Variants in RAB11FIP1 observed in about 807,000 individuals in gnomAD.
RAB11FIP1 encodes rab11 family-interacting protein 1.
Under a neutral mutation model 83.1 loss-of-function variants are expected in RAB11FIP1, and 49 were observed. That is an observed-to-expected ratio of 0.59 (90% confidence interval 0.47 to 0.75). The LOEUF is 0.75. RAB11FIP1 is among the 30% of genes least tolerant of loss of function. The probability of loss-of-function intolerance (pLI) is 0.00; values close to 1 mark genes in which losing one functional copy is unlikely to be tolerated. For synonymous variants in RAB11FIP1, 670 were observed against 656.0 expected (o/e 1.02, Z -0.33); for missense variants, 1,536 against 1,598.7 (o/e 0.96, Z 0.67).
chr8:37,883,294 G>A (rs894845130), intron 1 of RAB11FIP1, among the ~76,000 whole-genome samples: 4 of 152,030 alleles, frequency 2.6e-5, no homozygotes, highest in African/African-American at 4.8e-5. Context: ...CTCCTCCTGG[G>A]TTCAACCGAT....
intron 1 of RAB11FIP1, among the ~76,000 whole-genome samples, chr8:37,883,607 CAGA>C (rs1371926939): frequency 2.6e-5 from 4 of 152,190 alleles, no homozygotes; most frequent in African/African-American, 9.7e-5. Context: ...AATCCCAAAC[CAGA>C]AGAACACATC....
At chr8:37,893,954 T>C (rs988376974) in intron 1 of RAB11FIP1, among the ~76,000 whole-genome samples, 1 of 152,160 alleles carries the variant, frequency 6.6e-6, no homozygotes, top group African/African-American at 2.4e-5. Flanking sequence ...AGGACTCTCA[T>C]CCTTTTTAGT....
rs373641406 is a variant in RAB11FIP1, at chr8:37,860,251, C to A, written c.*2644G>T. 10 of 152,820 alleles carry A rather than the reference C, an allele frequency of 6.5e-5. No homozygotes were observed. Among genetic ancestry groups the A allele is most frequent in the African/African-American group, 2.2e-4 (9 of 41,580 alleles). 9.5% of individuals were successfully genotyped at this position (152,820 alleles called of 1,614,324 possible). A position where few individuals can be genotyped will look rare whatever the true frequency, so the allele number is the denominator to read the frequency against. ...TGGAAGAAGAACCACATAGAGCACA[C>A]CTGCCCCCCAGGGCACTTGGACTAT... On this transcript the variant is annotated 3_prime_UTR_variant, in exon 6 of 6. Transcript: ENST00000330843.
chr8:37,896,889 C>A (rs1248237078), intron 1 of RAB11FIP1, among the ~76,000 whole-genome samples: 1 of 152,180 alleles, frequency 6.6e-6, no homozygotes, highest in Non-Finnish European at 1.5e-5. Context: ...ATCTCCATCT[C>A]TGGCAGGGAG....
intron 1 of RAB11FIP1, among the ~76,000 whole-genome samples, chr8:37,891,082 C>A (rs537244894): frequency 1.3e-5 from 2 of 152,306 alleles, no homozygotes; most frequent in South Asian, 4.1e-4. Context: ...CAAAGTCAGG[C>A]TTGGTCTCCT....
In RAB11FIP1 at chr8:37,873,151, T is replaced by C. The variant is rs372656927; in HGVS notation, c.1651A>G (p.Thr551Ala). The C allele has an allele frequency of 5.0e-6, 8 of 1,606,080 alleles. No individual in the cohort carries two copies. In the African/African-American group the frequency reaches 6.7e-5, roughly 13 times the overall value. ...TCAGTAGGGGAAGGAAGCCTGGCTG[T>C]GGGTTGCGCCTCTGGAGACACTTCC... The part of the protein sequence containing the change: ...RLEVSPEAQP[T>A]ARLPSPTDSP... The change falls in exon 4 of 6, where the codon ACA becomes GCA. Residue 551 changes from threonine to alanine, a missense_variant. Transcript: ENST00000330843.
rs1806519941 is a variant in RAB11FIP1 at position 37,873,166 on chromosome 8, G to C, written c.1636C>G (p.Pro546Ala). 1 of 1,598,560 alleles carries C rather than the reference G, an allele frequency of 6.3e-7. No homozygotes were observed. Among genetic ancestry groups the C allele is most frequent in the African/African-American group, 1.3e-5 (1 of 74,568 alleles). ...RAVKPRLEVS[P>A]EAQPTARLPS... ...AGCCTGGCTGTGGGTTGCGCCTCTGGAGACACTTCCAGTCTGCAAAAAGGA... is the reference window on the plus strand; with the variant it reads ...AGCCTGGCTGTGGGTTGCGCCTCTGCAGACACTTCCAGTCTGCAAAAAGGA... The change falls in exon 4 of 6, where the codon CCA (proline) becomes GCA (alanine). Residue 546 changes from proline to alanine, a missense_variant. Transcript: ENST00000330843.
intron 1 of RAB11FIP1, among the ~76,000 whole-genome samples, chr8:37,884,983 C>G (rs917076955): frequency 6.6e-6 from 1 of 150,956 alleles, no homozygotes; most frequent in Non-Finnish European, 1.5e-5. Context: ...TGCACTCGGC[C>G]TATATTTTTT....
intron 2 of RAB11FIP1, among the ~76,000 whole-genome samples, chr8:37,876,899 C>T (rs1329712553): frequency 6.6e-6 from 1 of 152,084 alleles, no homozygotes; most frequent in Admixed American, 6.5e-5. Context: ...CCTCAGCCTC[C>T]CAAAGTGCTG....
intron 1 of RAB11FIP1, among the ~76,000 whole-genome samples, chr8:37,880,880 T>C (rs1441186460): frequency 6.6e-6 from 1 of 152,180 alleles, no homozygotes; most frequent in Non-Finnish European, 1.5e-5. Flanking sequence ...CCTCACAAAC[T>C]GAGAACTCAC....
intron 1 of RAB11FIP1, among the ~76,000 whole-genome samples, chr8:37,885,237 C>G (rs912914540): frequency 4.6e-5 from 7 of 151,672 alleles, no homozygotes; most frequent in African/African-American, 1.7e-4. Context: ...TCAGATGATC[C>G]GTCCACCTTG....
rs1487800564 is a variant in RAB11FIP1 at position 37,873,202 on chromosome 8, T to C, written c.1623-23A>G. 1.9e-6 allele frequency: 3 copies of C among 1,552,524 alleles called. No homozygotes were observed. The South Asian group carries it at 3.6e-5, about 19-fold the overall frequency. ...AGTCTGCAAAAAGGACAAAATAAAA[T>C]CTGCAGGTCAGTGCAGATGCATCAC... On this transcript the variant is annotated intron_variant, in intron 3 of 5. Transcript: ENST00000330843.
intron 1 of RAB11FIP1, among the ~76,000 whole-genome samples, chr8:37,880,628 G>A (rs1038819953): frequency 6.6e-6 from 1 of 151,976 alleles, no homozygotes; most frequent in African/African-American, 2.4e-5. Context: ...GGGTGCAGTG[G>A]TGCGTACTTA....
At chr8:37,875,378 T>C (rs963899166) in intron 2 of RAB11FIP1, 56 bp from the exon 3 acceptor site, 1 of 1,307,334 alleles carries the variant, frequency 7.6e-7, no homozygotes, top group African/African-American at 1.5e-5. Flanking sequence ...TGGTTTGCAG[T>C]GTAGGGGCAT....
chr8:37,862,886 T>C lies in RAB11FIP1; in HGVS notation c.*9A>G, dbSNP rs751151910. The stretch of plus-strand genomic sequence containing the variant: ...CACAGAAACGTCTCGGTGTTTTTTT[T>C]CTGCTGATTTACATCTTTCCTGCTT... On this transcript the variant is annotated 3_prime_UTR_variant, in exon 6 of 6. Transcript: ENST00000330843. 4.5e-5 allele frequency: 72 copies of C among 1,601,916 alleles called. No homozygotes were observed. The highest frequency in any genetic ancestry group is 1.7e-4 in the Middle Eastern group (1 of 5,744).
Position 37,872,228 on chromosome 8 carries a change from G to T in RAB11FIP1, c.2574C>A (p.His858Gln), listed in dbSNP as rs17362412. ...CCGATTCCCTTTCTGAGTCCTCTGC[G>T]TGGGGAGACTCAGGAGGCTCTCCGT... Reference protein sequence around the residue: ...ASDGEPPESPHAEDSERESVT... With the variant: ...ASDGEPPESPQAEDSERESVT... The change falls in exon 4 of 6, where the codon CAC becomes CAA. Residue 858 changes from histidine (H) to glutamine (Q), a missense_variant. Coordinates refer to ENST00000330843, the MANE Select transcript of RAB11FIP1 (RefSeq NM_001002814.3). The T allele has an allele frequency of 6.2e-7, 1 of 1,614,034 alleles. No individual in the cohort carries two copies. Among genetic ancestry groups the T allele is most frequent in the African/African-American group, 1.3e-5 (1 of 75,012 alleles).
In RAB11FIP1 at chr8:37,860,501, C is replaced by T. The variant is rs529819033; in HGVS notation, c.*2394G>A. On this transcript the variant is annotated 3_prime_UTR_variant, in exon 6 of 6. Coordinates refer to ENST00000330843, the MANE Select transcript of RAB11FIP1 (RefSeq NM_001002814.3). ...AGATTACAGCTGTCTGCCACCACAC[C>T]CAGCTAATTTCTGTATTTTTTAGTA... 1 of 152,248 alleles carries T rather than the reference C, an allele frequency of 6.6e-6. No homozygotes were observed. The highest frequency in any genetic ancestry group is 6.5e-5 in the Admixed American group (1 of 15,284). 9.4% of individuals were successfully genotyped at this position (152,248 alleles called of 1,614,324 possible).
In RAB11FIP1 at chr8:37,877,765, G is replaced by C. The variant is rs1806648689; in HGVS notation, c.372-214C>G. ...CACAGAGTCTTGCTCTGTCACCCAG[G>C]CTGGAGTGCAATGCCACCATCTCGG... On this transcript the variant is annotated intron_variant, in intron 1 of 5. Transcript: ENST00000330843. 6.7e-6 allele frequency: 3 copies of C among 446,510 alleles called. No homozygotes were observed. In the South Asian group the frequency reaches 9.2e-5, roughly 14 times the overall value. The allele number at this position is 446,510 out of a possible 1,614,324, so 27.7% of individuals were successfully genotyped here.
At position 37,872,967 on chromosome 8, in the gene RAB11FIP1, A is replaced by G. The variant is rs763113832; in HGVS notation, c.1835T>C (p.Ile612Thr). 1.1e-5 allele frequency: 18 copies of G among 1,614,158 alleles called. No homozygotes were observed. Among genetic ancestry groups the G allele is most frequent in the East Asian group, 2.2e-5 (1 of 44,878 alleles). Reference sequence around the variant, plus strand: ...CCTGTCTACGAGAGGCCAGCTTTCAATTGGAGTGGATGTGGAAATGGGAGC... The same window carrying G: ...CCTGTCTACGAGAGGCCAGCTTTCAGTTGGAGTGGATGTGGAAATGGGAGC... Reference protein sequence around the residue: ...IAAPISTSTPIESWPLVDRGQ... With the variant: ...IAAPISTSTPTESWPLVDRGQ... Residue 612 changes from isoleucine to threonine, a missense_variant, in exon 4 of 6, where the codon ATT (isoleucine) becomes ACT (threonine). Ile to Thr is a moderately conservative substitution (Grantham distance 89). Transcript: ENST00000330843.
Sources: gnomAD v4.1 joint callset for allele counts (sites outside exome capture counted in the v4.1 genomes callset) on GRCh38, gnomAD v4.1.1 for gene constraint, MANE v1.5 for transcripts, NCBI Gene and HGNC (gene_info 2026-07-23, HGNC 2026-07-21) for gene names.